The following MGLL variants were observed in gnomAD, a reference collection of about 807,000 sequenced individuals.
MGLL encodes the protein lysophospholipase homolog.
In MGLL, 7 loss-of-function variants were observed where a neutral mutation model predicts 29.1. That is an observed-to-expected ratio of 0.24 (90% CI 0.14 to 0.45). The LOEUF (loss-of-function observed/expected upper bound fraction) is 0.45, where lower values mean the gene tolerates loss of function less well. Ranked by LOEUF, MGLL falls within the 20% of genes least tolerant of loss-of-function variation. MGLL has a pLI of 0.99. For synonymous variants in MGLL, 148 were observed against 168.3 expected (o/e 0.88, Z 0.93); for missense variants, 356 against 413.6 (o/e 0.86, Z 1.21).
chr3:127,696,590 T>G (rs1334770384), intron 6 of MGLL, among the ~76,000 whole-genome samples: 1 of 151,752 alleles, frequency 6.6e-6, no homozygotes, highest in Non-Finnish European at 1.5e-5. Flanking sequence ...ATTTTTGTAT[T>G]TTTAGTACAG....
chr3:127,693,918 T>C (rs532155567), intron 7 of MGLL, among the ~76,000 whole-genome samples: 11 of 152,282 alleles, frequency 7.2e-5, no homozygotes, highest in Admixed American at 4.6e-4. Context: ...TTCACATTGG[T>C]GTAAGGGCGG....
At chr3:127,716,555 G>A (rs951491671) in intron 5 of MGLL, among the ~76,000 whole-genome samples, 5 of 152,280 alleles carry the variant, frequency 3.3e-5, no homozygotes, top group African/African-American at 9.6e-5. Context: ...ATCTTGATGA[G>A]CAAGAGGCTT....
At position 127,761,605 on chromosome 3, in the gene MGLL, C is replaced by T. The variant is rs758728366; in HGVS notation, c.262+20184G>A. 3.3e-5 allele frequency among the ~76,000 whole-genome samples: 5 copies of T among 152,258 alleles called. No individual in the cohort carries two copies. The highest frequency in any genetic ancestry group is 2.0e-4 in the Admixed American group (3 of 15,292). ...CGTGTTCCCCTAAGCGACTGGGCTA[C>T]ACCAGTCCACCACAAAGGTACTGTG... On this transcript the variant is annotated intron_variant, in intron 3 of 7. Coordinates refer to ENST00000265052, the MANE Select transcript of MGLL (RefSeq NM_007283.7). The surrounding 1 kb of genome is among the most constrained non-coding windows in gnomAD (Gnocchi z 4.6).
intron 3 of MGLL, among the ~76,000 whole-genome samples, chr3:127,755,548 C>T (rs1338164885): frequency 1.3e-5 from 2 of 152,164 alleles, no homozygotes; most frequent in Non-Finnish European, 2.9e-5. Flanking sequence ...CAAGGGCGGA[C>T]CACATGCAGC....
intron 6 of MGLL, among the ~76,000 whole-genome samples, chr3:127,706,157 C>T (rs886879955): frequency 2.0e-5 from 3 of 152,278 alleles, no homozygotes; most frequent in African/African-American, 4.8e-5. Context: ...GGCACAGCAG[C>T]GTTATTCACA....
At chr3:127,759,418 G>T (rs1006878592) in intron 3 of MGLL, among the ~76,000 whole-genome samples, 3 of 152,046 alleles carry the variant, frequency 2.0e-5, no homozygotes, top group Non-Finnish European at 4.4e-5. Context: ...TGTGACCAAG[G>T]CTCTCAGCAC....
At chr3:127,785,918 G>A (rs1559969410) in intron 2 of MGLL, among the ~76,000 whole-genome samples, 1 of 152,286 alleles carries the variant, frequency 6.6e-6, no homozygotes. Context: ...AGGGGAGCCC[G>A]ACCTAGACTC....
chr3:127,750,894 A>G (rs2107669211), intron 3 of MGLL, among the ~76,000 whole-genome samples: 1 of 152,306 alleles, frequency 6.6e-6, no homozygotes, highest in African/African-American at 2.4e-5. Flanking sequence ...TTGAGAAACC[A>G]CTGTAATTGG....
At chr3:127,723,554 G>A (rs756267129) in intron 3 of MGLL, among the ~76,000 whole-genome samples, 3 of 148,636 alleles carry the variant, frequency 2.0e-5, no homozygotes, top group Non-Finnish European at 4.5e-5. Context: ...CTTCCCAGTC[G>A]CCCCCCCACG....
chr3:127,790,221 C>T (rs1056449725), intron 2 of MGLL, among the ~76,000 whole-genome samples: 3 of 152,170 alleles, frequency 2.0e-5, no homozygotes, highest in Non-Finnish European at 4.4e-5. Context: ...TAGCACACAC[C>T]TCCCAGAGGC....
At chr3:127,769,710 G>GT (rs2076917915) in intron 3 of MGLL, among the ~76,000 whole-genome samples, 1 of 152,254 alleles carries the variant, frequency 6.6e-6, no homozygotes. Context: ...GCTGATGTCT[G>GT]TTTGGTTCAG....
intron 2 of MGLL, among the ~76,000 whole-genome samples, chr3:127,788,326 C>T (rs994742031): frequency 6.6e-6 from 1 of 152,108 alleles, no homozygotes; most frequent in Admixed American, 6.5e-5. Flanking sequence ...TGTTATTACC[C>T]CATTTTACTG....
At chr3:127,743,166 C>G (rs1051725816) in intron 3 of MGLL, among the ~76,000 whole-genome samples, 1 of 152,184 alleles carries the variant, frequency 6.6e-6, no homozygotes, top group African/African-American at 2.4e-5. Context: ...AAAGCCAGCT[C>G]AGTGGCCACC....
At chr3:127,781,698 G>T in intron 3 of MGLL, 91 bp downstream of exon 3, 1 of 1,153,810 alleles carries the variant, frequency 8.7e-7, no homozygotes, top group Non-Finnish European at 1.3e-6. Flanking sequence ...TAGAAGAATT[G>T]AGAAGGATGC....
intron 2 of MGLL, among the ~76,000 whole-genome samples, chr3:127,793,854 G>A (rs551246933): frequency 3.6e-4 from 55 of 152,296 alleles, no homozygotes; most frequent in South Asian, 1.0e-3. Context: ...GAGCCACTGC[G>A]CCTGGCCAAG....
intron 3 of MGLL, among the ~76,000 whole-genome samples, chr3:127,739,694 G>T (rs1350282793): frequency 1.3e-5 from 2 of 152,176 alleles, no homozygotes; most frequent in Non-Finnish European, 2.9e-5. Flanking sequence ...CCTTATGGAG[G>T]GCTTTGGGAT....
intron 3 of MGLL, among the ~76,000 whole-genome samples, chr3:127,756,125 A>G (rs2076659905): frequency 1.3e-5 from 2 of 152,246 alleles, no homozygotes; most frequent in African/African-American, 4.8e-5. Flanking sequence ...TCTCACAGCC[A>G]TCTTGGGCAA....
chr3:127,762,861 T>A lies in MGLL; in HGVS notation c.262+18928A>T, dbSNP rs569697029. Among the ~76,000 whole-genome samples the A allele has an allele frequency of 2.4e-3, 359 of 152,340 alleles. 1 individual carries two copies. Among genetic ancestry groups the A allele is most frequent in the African/African-American group, 8.4e-3 (349 of 41,578 alleles). Reference sequence around the variant, plus strand: ...TTGGAGCTCTACACCTAGGTACCATTATTACCATCTCAACTTCACAGACAG... The same window carrying A: ...TTGGAGCTCTACACCTAGGTACCATAATTACCATCTCAACTTCACAGACAG... On this transcript the variant is annotated intron_variant, in intron 3 of 7. Transcript: ENST00000265052.
intron 5 of MGLL, among the ~76,000 whole-genome samples, chr3:127,714,582 G>A (rs965956581): frequency 6.6e-5 from 10 of 152,220 alleles, no homozygotes; most frequent in African/African-American, 2.4e-4. Context: ...CGCCCTCCAG[G>A]AAGGCCTGGT....
Sources: gnomAD v4.1 joint callset for allele counts (sites outside exome capture counted in the v4.1 genomes callset) on GRCh38, gnomAD v4.1.1 for gene constraint, Gnocchi (gnomAD v3.1) non-coding constraint, MANE v1.5 for transcripts, NCBI Gene and HGNC (gene_info 2026-07-23, HGNC 2026-07-21) for gene names.